The following CCDC178 variants were observed in gnomAD, a reference collection of about 807,000 sequenced individuals.
The protein encoded by CCDC178 is coiled-coil domain containing 178, also known as coiled-coil domain-containing protein 178.
A neutral mutation model predicts 117.4 loss-of-function variants in CCDC178; 126 were observed. The observed-to-expected ratio is 1.07, with a 90% CI of 0.93 to 1.24. CCDC178 has a LOEUF of 1.24. Ranked by LOEUF, CCDC178 falls within the 50% of genes most tolerant of loss-of-function variation. The probability of loss-of-function intolerance (pLI) is 0.00; values close to 1 mark genes in which losing one functional copy is unlikely to be tolerated. For synonymous variants in CCDC178, 283 were observed against 313.4 expected (o/e 0.90, Z 1.02); for missense variants, 1,030 against 986.9 (o/e 1.04, Z -0.59).
At chr18:33,349,805 T>C (rs2062947848) in intron 7 of CCDC178, among the ~76,000 whole-genome samples, 1 of 151,866 alleles carries the variant, frequency 6.6e-6, no homozygotes, top group Non-Finnish European at 1.5e-5. Flanking sequence ...ATATAATCCA[T>C]ATTTATTCTT....
intron 12 of CCDC178, among the ~76,000 whole-genome samples, chr18:33,276,502 T>A (rs1006488613): frequency 2.0e-5 from 3 of 151,910 alleles, no homozygotes; most frequent in Non-Finnish European, 4.4e-5. Context: ...TGAGGAGATA[T>A]AAAGAAACCA....
chr18:33,148,693 T>C (rs558241971), intron 20 of CCDC178, among the ~76,000 whole-genome samples: 18 of 152,180 alleles, frequency 1.2e-4, no homozygotes, highest in Non-Finnish European at 2.5e-4. Flanking sequence ...ACTGAGGATA[T>C]GCAGATACCT....
At chr18:33,328,088 T>C (rs1182879693) in intron 10 of CCDC178, 1 of 90,070 alleles carries the variant, frequency 1.1e-5, no homozygotes, top group African/African-American at 1.8e-4. Flanking sequence ...CCTAGATTTT[T>C]TTTTTTTTTT....
At chr18:33,068,930 C>T (rs1209668508) in intron 21 of CCDC178, among the ~76,000 whole-genome samples, 1 of 151,940 alleles carries the variant, frequency 6.6e-6, no homozygotes, top group Non-Finnish European at 1.5e-5. Flanking sequence ...TTTAAAGATT[C>T]CACCAAAAAC....
intron 11 of CCDC178, among the ~76,000 whole-genome samples, chr18:33,300,950 A>T (rs1425679675): frequency 6.6e-6 from 1 of 152,240 alleles, no homozygotes; most frequent in African/African-American, 2.4e-5. Flanking sequence ...AAAAGAGAGC[A>T]AAGTGCTAAT....
chr18:33,433,649 T>C (rs2064249649), intron 2 of CCDC178, among the ~76,000 whole-genome samples: 1 of 152,204 alleles, frequency 6.6e-6, no homozygotes, highest in Admixed American at 6.5e-5. Context: ...TGTGGTTTTA[T>C]TTCCCCATAA....
chr18:33,256,903 T>C (rs1180012677), intron 14 of CCDC178, among the ~76,000 whole-genome samples: 2 of 152,094 alleles, frequency 1.3e-5, no homozygotes, highest in Admixed American at 1.3e-4. Flanking sequence ...AGTGTTCTAT[T>C]AGTTTGTTTT....
chr18:33,252,167 C>A (rs1163787455), intron 14 of CCDC178, among the ~76,000 whole-genome samples: 1 of 151,468 alleles, frequency 6.6e-6, no homozygotes, highest in Non-Finnish European at 1.5e-5. Context: ...TTGGAAATGA[C>A]AAAAACAGAG....
intron 20 of CCDC178, among the ~76,000 whole-genome samples, chr18:33,135,756 G>A (rs1038096750): frequency 2.6e-5 from 4 of 152,160 alleles, no homozygotes; most frequent in African/African-American, 9.6e-5. Context: ...AACAATTTTT[G>A]GGTAGCCCAC....
Position 32,993,346 on chromosome 18 carries a change from T to C in CCDC178, c.2389-18665A>G, listed in dbSNP as rs1255139878. Reference sequence around the variant, plus strand: ...GTGCCAAGGCAGTTTATTACCATCATGACAACATCCAAAAATTACCACCCT... The same window carrying C: ...GTGCCAAGGCAGTTTATTACCATCACGACAACATCCAAAAATTACCACCCT... On this transcript the variant is annotated intron_variant, in intron 21 of 22. Coordinates refer to ENST00000383096, the MANE Select transcript of CCDC178 (RefSeq NM_001105528.4). 2.6e-5 allele frequency among the ~76,000 whole-genome samples: 4 copies of C among 152,126 alleles called. No homozygotes were observed. The East Asian group carries it at 7.7e-4, about 29-fold the overall frequency.
chr18:33,354,675 A>T (rs1487934793), intron 7 of CCDC178, among the ~76,000 whole-genome samples: 1 of 148,036 alleles, frequency 6.8e-6, no homozygotes, highest in Non-Finnish European at 1.5e-5. Flanking sequence ...CAGTGGCACG[A>T]TCTTGGCTCA....
Position 33,026,638 on chromosome 18 carries a change from G to A in CCDC178, c.2389-51957C>T, listed in dbSNP as rs1462276160. On this transcript the variant is annotated intron_variant, in intron 21 of 22. Transcript: ENST00000383096. ...ACAGCCAGAAGAAAAAGTATATTAC[G>A]TTTAAAGCAGTAGCTATGGATTGAT... Among the ~76,000 whole-genome samples the A allele has an allele frequency of 5.3e-5, 8 of 151,968 alleles. No individual in the cohort carries two copies. The East Asian group carries it at 1.2e-3, about 22-fold the overall frequency.
At chr18:33,284,444 T>C (rs1232730307) in intron 12 of CCDC178, among the ~76,000 whole-genome samples, 2 of 152,192 alleles carry the variant, frequency 1.3e-5, no homozygotes, top group Non-Finnish European at 2.9e-5. Context: ...AAATATAATA[T>C]TGAAATAAGT....
Position 33,333,357 on chromosome 18 carries a change from T to G in CCDC178, c.696A>C (p.Gln232His). 4 of 1,610,944 alleles carry G rather than the reference T, an allele frequency of 2.5e-6. No homozygotes were observed. Among genetic ancestry groups the G allele is most frequent in the Non-Finnish European group, 2.5e-6 (3 of 1,178,638 alleles). ...EAYLSDVIELQWHLEDKANQL... is the reference protein window; with the variant it reads ...EAYLSDVIELHWHLEDKANQL... The stretch of plus-strand genomic sequence containing the variant: ...GATTAGCTTTATCTTCAAGATGCCA[T>G]TGTAATTCTATAACATCACTCAAAT... The change falls in exon 10 of 23, where the codon CAA (glutamine) becomes CAC (histidine). Residue 232 changes from glutamine (Q) to histidine (H), a missense_variant. By Grantham distance (24) the Gln-to-His change is conservative (BLOSUM62 0). Coordinates refer to ENST00000383096, the MANE Select transcript of CCDC178 (RefSeq NM_001105528.4).
chr18:33,151,004 A>G (rs1249897009), intron 20 of CCDC178, among the ~76,000 whole-genome samples: 1 of 152,192 alleles, frequency 6.6e-6, no homozygotes, highest in Non-Finnish European at 1.5e-5. Flanking sequence ...GAAATGGAAA[A>G]TCAAATGTAT....
intron 21 of CCDC178, among the ~76,000 whole-genome samples, chr18:33,039,627 C>G (rs2056509688): frequency 6.6e-6 from 1 of 151,848 alleles, no homozygotes; most frequent in Non-Finnish European, 1.5e-5. Context: ...TCTGATGGTT[C>G]AAATCCTAGC....
In CCDC178 at chr18:33,115,574, G is replaced by A. The variant is rs140875508; in HGVS notation, c.2239-22664C>T. 3.9e-3 allele frequency among the ~76,000 whole-genome samples: 596 copies of A among 151,960 alleles called. 8 individuals carry two copies. Among genetic ancestry groups the A allele is most frequent in the African/African-American group, 0.013 (548 of 41,440 alleles). On this transcript the variant is annotated intron_variant, in intron 20 of 22. Transcript: ENST00000383096. ...ACTGACTACAGTTTTAGTAATCACCGAACAAAGATTGTATTTTTCTTCATA... is the reference window on the plus strand; with the variant it reads ...ACTGACTACAGTTTTAGTAATCACCAAACAAAGATTGTATTTTTCTTCATA...
chr18:33,395,665 T>C (rs2063625114), intron 4 of CCDC178, among the ~76,000 whole-genome samples: 1 of 152,120 alleles, frequency 6.6e-6, no homozygotes, highest in Admixed American at 6.6e-5. Flanking sequence ...TACAGTGCTA[T>C]GTTCCTGACA....
intron 3 of CCDC178, among the ~76,000 whole-genome samples, chr18:33,408,234 C>A (rs1291985930): frequency 6.6e-6 from 1 of 151,778 alleles, no homozygotes; most frequent in Non-Finnish European, 1.5e-5. Flanking sequence ...AAAGAATGAT[C>A]TTTACAAACC....
Sources: allele counts gnomAD v4.1 joint callset (sites outside exome capture counted in the v4.1 genomes callset), GRCh38; gene constraint gnomAD v4.1.1; transcripts MANE v1.5; gene names NCBI Gene and HGNC (gene_info 2026-07-23, HGNC 2026-07-21).